HIPK2: variants seen among roughly 807,000 people sequenced by gnomAD.
The protein encoded by HIPK2 is homeodomain interacting protein kinase 2.
HIPK2 carries 27 observed loss-of-function variants against 113.7 expected under a neutral mutation model. The ratio of observed to expected loss-of-function variants is 0.24; its 90% confidence interval spans 0.17 to 0.33. HIPK2 has a LOEUF of 0.33. HIPK2 is among the 10% of genes least tolerant of loss of function. The probability of loss-of-function intolerance (pLI) is 1.00; values close to 1 mark genes in which losing one functional copy is unlikely to be tolerated. For synonymous variants in HIPK2, 631 were observed against 642.2 expected (o/e 0.98, Z 0.26); for missense variants, 1,257 against 1,588.0 (o/e 0.79, Z 3.54).
intron 2 of HIPK2, among the ~76,000 whole-genome samples, chr7:139,667,417 A>G (rs1374075436): frequency 6.6e-6 from 1 of 152,236 alleles, no homozygotes; most frequent in African/African-American, 2.4e-5. Context: ...AAAGGATATA[A>G]AAATATTCAT....
intron 1 of HIPK2, among the ~76,000 whole-genome samples, chr7:139,753,743 G>C (rs149603564): frequency 6.6e-6 from 1 of 152,220 alleles, no homozygotes; most frequent in Admixed American, 6.5e-5. Context: ...GCGTCTCTGC[G>C]AGGGCAGGCG....
chr7:139,714,988 G>A lies in HIPK2; in HGVS notation c.1103+944C>T, dbSNP rs578030619. 6.6e-6 allele frequency among the ~76,000 whole-genome samples: 1 copy of A among 152,296 alleles called. No homozygotes were observed. The highest frequency in any genetic ancestry group is 2.1e-4 in the South Asian group (1 of 4,830). On this transcript the variant is annotated intron_variant, in intron 2 of 14. Coordinates refer to ENST00000406875, the MANE Select transcript of HIPK2 (RefSeq NM_022740.5). The surrounding 1 kb of genome is among the most constrained non-coding windows in gnomAD (Gnocchi z 4.2). ...GGAAATGAAGGCATGGAGAAATCAGGCCATTAGGAGAGGAGGGACCAGGTT... is the reference window on the plus strand; with the variant it reads ...GGAAATGAAGGCATGGAGAAATCAGACCATTAGGAGAGGAGGGACCAGGTT...
intron 13 of HIPK2, among the ~76,000 whole-genome samples, chr7:139,575,794 C>T (rs910750750): frequency 2.0e-5 from 3 of 152,178 alleles, no homozygotes; most frequent in African/African-American, 4.8e-5. Context: ...AATATTATCT[C>T]GGGAGTGGGT....
In HIPK2 at chr7:139,631,850, TCA is replaced by T. The variant is rs1800629404; in HGVS notation, c.1104-127_1104-126del. The stretch of plus-strand genomic sequence containing the variant: ...TCCTCCTCTGAAGGGCCTGTGGCTC[TCA>T]GGAGAGGCGCTGTGCTACAACAATC... On this transcript the variant is annotated intron_variant, in intron 2 of 14. Coordinates refer to ENST00000406875, the MANE Select transcript of HIPK2 (RefSeq NM_022740.5). The surrounding 1 kb of genome is among the most constrained non-coding windows in gnomAD (Gnocchi z 4.9). The T allele has an allele frequency of 9.1e-6, 11 of 1,204,910 alleles. No homozygotes were observed. Among genetic ancestry groups the T allele is most frequent in the African/African-American group, 1.5e-5 (1 of 64,590 alleles). The allele number at this position is 1,204,910 out of a possible 1,614,324, so 74.6% of individuals were successfully genotyped here.
chr7:139,590,186 AATGCAAGTGAGAGAG>A (rs1242719879), intron 12 of HIPK2, among the ~76,000 whole-genome samples: 1 of 152,218 alleles, frequency 6.6e-6, no homozygotes, highest in African/African-American at 2.4e-5. Context: ...TGAGTTGGTT[AATGCAAGTGAGAGAG>A]ATAGCGATAG....
At chr7:139,586,547 T>C (rs994493607) in intron 12 of HIPK2, among the ~76,000 whole-genome samples, 2 of 151,542 alleles carry the variant, frequency 1.3e-5, no homozygotes, top group African/African-American at 2.4e-5. Flanking sequence ...GGTGGGAGGA[T>C]TGCTTGAGGC....
intron 2 of HIPK2, among the ~76,000 whole-genome samples, chr7:139,650,859 C>T (rs190677627): frequency 6.6e-6 from 1 of 152,348 alleles, no homozygotes; most frequent in East Asian, 1.9e-4. Context: ...GGGAAGAACA[C>T]CCTCCAGCCC....
At chr7:139,688,136 C>T (rs56075729) in intron 2 of HIPK2, among the ~76,000 whole-genome samples, 1 of 152,034 alleles carries the variant, frequency 6.6e-6, no homozygotes, top group Non-Finnish European at 1.5e-5. Flanking sequence ...CAGGGACAAT[C>T]CACTGGGCAC....
chr7:139,768,249 C>G (rs970406054), intron 1 of HIPK2, among the ~76,000 whole-genome samples: 8 of 152,180 alleles, frequency 5.3e-5, no homozygotes, highest in Non-Finnish European at 1.0e-4. Context: ...CCGTGAAAGT[C>G]TGAGTGTTCA....
intron 1 of HIPK2, among the ~76,000 whole-genome samples, chr7:139,719,144 A>G (rs1467789154): frequency 1.3e-5 from 2 of 151,606 alleles, no homozygotes; most frequent in Non-Finnish European, 2.9e-5. Flanking sequence ...TTATTTTATT[A>G]TTATTATTTT....
chr7:139,667,002 T>C (rs1275734595), intron 2 of HIPK2, among the ~76,000 whole-genome samples: 1 of 151,942 alleles, frequency 6.6e-6, no homozygotes, highest in East Asian at 1.9e-4. Context: ...GGGGCAGAGG[T>C]TGCAGTGAGC....
chr7:139,575,224 G>A lies in HIPK2; in HGVS notation c.3030C>T (p.Ser1010=), dbSNP rs779170486. 7.6e-6 allele frequency: 12 copies of A among 1,582,620 alleles called. No homozygotes were observed. Among genetic ancestry groups the A allele is most frequent in the African/African-American group, 6.7e-5 (5 of 74,392 alleles). Residue 1010 remains serine, a synonymous_variant, in exon 14 of 15, where the codon AGC becomes AGT. Coordinates refer to ENST00000406875, the MANE Select transcript of HIPK2 (RefSeq NM_022740.5). ...SKSSSNVTST[S]GHSSGSSSGA... is the part of the protein sequence containing the mutation. ...CAGATGAGCTCCCTGAAGAGTGACC[G>A]CTGGTGGAGGTCACGTTGCTGGAGG...
rs1435948672 is a variant in HIPK2 at position 139,564,651 on chromosome 7, A to G, written c.*8276T>C. ...CTGGACTACAGAAGAGTCTGGGACA[A>G]CACACTTGCCTTGGGGGAGACACAA... is the stretch of plus-strand genomic sequence containing the variant. On this transcript the variant is annotated 3_prime_UTR_variant, in exon 15 of 15. Transcript: ENST00000406875. 1 of 152,236 alleles carries G rather than the reference A, an allele frequency of 6.6e-6. No individual in the cohort carries two copies. Among genetic ancestry groups the G allele is most frequent in the Admixed American group, 6.5e-5 (1 of 15,288 alleles). 9.4% of individuals were successfully genotyped at this position (152,236 alleles called of 1,614,324 possible). A position where few individuals can be genotyped will look rare whatever the true frequency, so the allele number is the denominator to read the frequency against.
At chr7:139,715,645 C>G (rs1440543636) in intron 2 of HIPK2, among the ~76,000 whole-genome samples, 1 of 152,228 alleles carries the variant, frequency 6.6e-6, no homozygotes, top group Non-Finnish European at 1.5e-5. Flanking sequence ...CTGTCTGGAT[C>G]CTACCCATCC....
chr7:139,618,427 G>A lies in HIPK2; in HGVS notation c.1782+1974C>T, dbSNP rs200529881. Among the ~76,000 whole-genome samples, 10 of 152,092 alleles carry A rather than the reference G, an allele frequency of 6.6e-5. No homozygotes were observed. In the East Asian group the frequency reaches 1.9e-3, roughly 29 times the overall value. ...CTTGGACCCTTTGCTTTTGTGGGATGTCATTTTCCCTTACCCACGACTCTG... is the reference window on the plus strand; with the variant it reads ...CTTGGACCCTTTGCTTTTGTGGGATATCATTTTCCCTTACCCACGACTCTG... On this transcript the variant is annotated intron_variant, in intron 7 of 14. Transcript: ENST00000406875.
intron 2 of HIPK2, among the ~76,000 whole-genome samples, chr7:139,693,143 T>C (rs147163731): frequency 3.0e-4 from 46 of 152,344 alleles, no homozygotes; most frequent in Admixed American, 1.2e-3. Context: ...TTAGTGATTA[T>C]AGGATTTGGG....
At chr7:139,745,636 T>A (rs1193570966) in intron 1 of HIPK2, among the ~76,000 whole-genome samples, 1 of 152,088 alleles carries the variant, frequency 6.6e-6, no homozygotes, top group Admixed American at 6.5e-5. Context: ...TTCCTCCTCT[T>A]GTTTTCTCTT....
chr7:139,737,119 T>G (rs1378103928), intron 1 of HIPK2, among the ~76,000 whole-genome samples: 1 of 152,220 alleles, frequency 6.6e-6, no homozygotes, highest in East Asian at 1.9e-4. Context: ...CATGAATTCA[T>G]TTCCCTTTTC....
chr7:139,693,458 G>A (rs917324596), intron 2 of HIPK2, among the ~76,000 whole-genome samples: 1 of 152,224 alleles, frequency 6.6e-6, no homozygotes, highest in African/African-American at 2.4e-5. Context: ...GCACTTGGTA[G>A]AAGAAACGTG....
Sources: allele counts gnomAD v4.1 joint callset (sites outside exome capture counted in the v4.1 genomes callset), GRCh38; gene constraint gnomAD v4.1.1; non-coding constraint Gnocchi (gnomAD v3.1); transcripts MANE v1.5; gene names NCBI Gene and HGNC (gene_info 2026-07-23, HGNC 2026-07-21).